The following ROBO1 variants were observed in gnomAD, a reference collection of about 807,000 sequenced individuals.
The protein encoded by ROBO1 is roundabout homolog 1.
A neutral mutation model predicts 195.9 loss-of-function variants in ROBO1; 149 were observed. The observed-to-expected ratio is 0.76, with a 90% CI of 0.67 to 0.87. The LOEUF (loss-of-function observed/expected upper bound fraction) is 0.87, where lower values mean the gene tolerates loss of function less well. Among genes scored for constraint, ROBO1 ranks in the 40% least tolerant of loss-of-function variants. The pLI is 0.00. For synonymous variants in ROBO1, 816 were observed against 733.2 expected, an observed-to-expected ratio of 1.11 and a Z score of -1.82; for missense variants, 1,933 against 2,068.3, an observed-to-expected ratio of 0.93 and a Z score of 1.27.
At chr3:78,835,441 T>G (rs2032623937) in intron 4 of ROBO1, among the ~76,000 whole-genome samples, 1 of 152,128 alleles carries the variant, frequency 6.6e-6, no homozygotes, top group Admixed American at 6.5e-5. Context: ...GTGCCACAGG[T>G]TTATAAGCAA....
At chr3:78,810,694 G>A (rs1439625555) in intron 4 of ROBO1, among the ~76,000 whole-genome samples, 1 of 151,052 alleles carries the variant, frequency 6.6e-6, no homozygotes, top group Non-Finnish European at 1.5e-5. Context: ...TAATCACCCT[G>A]TAAAATTTTC....
chr3:79,553,434 G>A (rs1942592104), intron 2 of ROBO1, among the ~76,000 whole-genome samples: 1 of 151,946 alleles, frequency 6.6e-6, no homozygotes, highest in African/African-American at 2.4e-5. Context: ...ATTTCTCTCT[G>A]AAAAGGTAAT....
At chr3:79,422,697 C>T (rs1216028105) in intron 2 of ROBO1, among the ~76,000 whole-genome samples, 1 of 152,006 alleles carries the variant, frequency 6.6e-6, no homozygotes, top group Non-Finnish European at 1.5e-5. Flanking sequence ...GCTGGAATTG[C>T]AATTTACTTG....
chr3:79,721,190 T>C (rs1463610861), intron 1 of ROBO1, among the ~76,000 whole-genome samples: 1 of 152,158 alleles, frequency 6.6e-6, no homozygotes, highest in Non-Finnish European at 1.5e-5. Context: ...TAAACAGTGA[T>C]TGTGGATGCC....
In ROBO1 at chr3:79,339,582, C is replaced by T. The variant is rs189530837; in HGVS notation, c.89-214043G>A. Among the ~76,000 whole-genome samples the T allele has an allele frequency of 6.4e-3, 972 of 152,274 alleles. 16 individuals are homozygous for T. The highest frequency in any genetic ancestry group is 0.022 in the African/African-American group (924 of 41,558). On this transcript the variant is annotated intron_variant, in intron 2 of 30. Transcript: ENST00000464233. The stretch of plus-strand genomic sequence containing the variant: ...CCTGTGTTGAATTACAATCTAATTG[C>T]ACCCTCCCTGAAGATACTTTGTAGT...
chr3:79,698,577 T>G (rs9812795), intron 1 of ROBO1, among the ~76,000 whole-genome samples: 91,227 of 151,210 alleles, frequency 0.6, 27,748 homozygotes, highest in South Asian at 0.7. Flanking sequence ...ATCCTAAAGG[T>G]TCAATTGTGA....
At chr3:79,122,930 AC>A (rs2108565803) in intron 3 of ROBO1, among the ~76,000 whole-genome samples, 1 of 152,092 alleles carries the variant, frequency 6.6e-6, no homozygotes. Context: ...AAATGAAGCA[AC>A]ATGTAGTAAA....
At chr3:78,698,763 T>C (rs2107920487) in intron 8 of ROBO1, among the ~76,000 whole-genome samples, 1 of 152,288 alleles carries the variant, frequency 6.6e-6, no homozygotes, top group Non-Finnish European at 1.5e-5. Context: ...TACTAACATA[T>C]ATTTATTTCA....
chr3:79,330,576 A>G (rs1024857569), intron 2 of ROBO1, among the ~76,000 whole-genome samples: 5 of 146,980 alleles, frequency 3.4e-5, no homozygotes, highest in African/African-American at 1.2e-4. Flanking sequence ...CACCCTGTCT[A>G]TGGCTACTTT....
intron 1 of ROBO1, among the ~76,000 whole-genome samples, chr3:79,603,609 A>G (rs555793941): frequency 7.2e-4 from 110 of 152,092 alleles, no homozygotes; most frequent in African/African-American, 2.6e-3. Context: ...CAACAAAGAA[A>G]TAAAGAGGAT....
At chr3:79,532,436 A>G (rs2107615266) in intron 2 of ROBO1, among the ~76,000 whole-genome samples, 1 of 152,326 alleles carries the variant, frequency 6.6e-6, no homozygotes, top group South Asian at 2.1e-4. Flanking sequence ...TCAATTATGA[A>G]TGTATTATAA....
At chr3:79,221,057 G>GAGAACCAC (rs1263860954) in intron 2 of ROBO1, among the ~76,000 whole-genome samples, 1 of 152,012 alleles carries the variant, frequency 6.6e-6, no homozygotes, top group African/African-American at 2.4e-5. Flanking sequence ...ACCCGCAGCT[G>GAGAACCAC]AGAACCACAG....
At chr3:79,155,746 T>A (rs1223298810) in intron 2 of ROBO1, among the ~76,000 whole-genome samples, 1 of 151,794 alleles carries the variant, frequency 6.6e-6, no homozygotes, top group Non-Finnish European at 1.5e-5. Flanking sequence ...CTGTCCAGTT[T>A]GCACAACTGG....
intron 4 of ROBO1, among the ~76,000 whole-genome samples, chr3:78,758,057 C>CA (rs2082984658): frequency 1.3e-5 from 2 of 152,168 alleles, no homozygotes; most frequent in Non-Finnish European, 2.9e-5. Context: ...AGAGTCTGCT[C>CA]AGCCATCAGC....
chr3:79,630,953 A>C (rs1212311779), intron 1 of ROBO1, among the ~76,000 whole-genome samples: 2 of 151,978 alleles, frequency 1.3e-5, no homozygotes, highest in East Asian at 3.9e-4. Flanking sequence ...AAACTATAAA[A>C]CACTGAGGAA....
chr3:78,839,204 C>T (rs1185839872), intron 4 of ROBO1, among the ~76,000 whole-genome samples: 3 of 151,862 alleles, frequency 2.0e-5, no homozygotes, highest in South Asian at 2.1e-4. Context: ...AAAGTTTGAT[C>T]GCTAGAATAT....
chr3:79,362,589 T>C (rs1266933395), intron 2 of ROBO1, among the ~76,000 whole-genome samples: 1 of 152,174 alleles, frequency 6.6e-6, no homozygotes, highest in Non-Finnish European at 1.5e-5. Context: ...AAAATTAAGT[T>C]TCTTTTCAGG....
In ROBO1 at chr3:78,614,792, G is replaced by A. The variant is rs1454724966; in HGVS notation, c.4291C>T (p.His1431Tyr). ...CTAGGGCACTGAGACGCATGAAAAT[G>A]TCGACGGCCTAAGGAGAAAAAAAAA... is the stretch of plus-strand genomic sequence containing the variant. ...RQMQDAAGRR[H>Y]FHASQCPRPT... Residue 1431 changes from histidine to tyrosine, a missense_variant, in exon 28 of 31, where the codon CAT (histidine) becomes TAT (tyrosine). Physicochemically the swap from His to Tyr is moderately conservative, Grantham distance 83. Coordinates refer to ENST00000464233, the MANE Select transcript of ROBO1 (RefSeq NM_002941.4). The A allele has an allele frequency of 1.2e-6, 2 of 1,605,782 alleles. No individual in the cohort carries two copies. The highest frequency in any genetic ancestry group is 2.2e-5 in the East Asian group (1 of 44,610).
intron 2 of ROBO1, among the ~76,000 whole-genome samples, chr3:79,563,971 A>G (rs1234381042): frequency 6.6e-6 from 1 of 151,952 alleles, no homozygotes; most frequent in Non-Finnish European, 1.5e-5. Flanking sequence ...GATTATAGGA[A>G]TTTAATACTA....
Sources: allele counts gnomAD v4.1 joint callset (sites outside exome capture counted in the v4.1 genomes callset), GRCh38; gene constraint gnomAD v4.1.1; transcripts MANE v1.5; gene names NCBI Gene and HGNC (gene_info 2026-07-23, HGNC 2026-07-21).